The following TSPAN5 variants were observed in gnomAD, a reference collection of about 807,000 sequenced individuals.
TSPAN5 encodes tetraspanin 5.
TSPAN5 carries 10 observed loss-of-function variants against 37.1 expected under a neutral mutation model. The observed-to-expected ratio is 0.27, with a 90% CI of 0.17 to 0.46. The LOEUF is 0.46. Among genes scored for constraint, TSPAN5 ranks in the 20% least tolerant of loss-of-function variants. TSPAN5 has a pLI of 1.00. For synonymous variants in TSPAN5, 110 were observed against 118.9 expected (o/e 0.93, Z 0.48); for missense variants, 195 against 326.6 (o/e 0.60, Z 3.11).
chr4:98,565,608 T>TC (rs1264082443), intron 1 of TSPAN5, among the ~76,000 whole-genome samples: 1 of 152,222 alleles, frequency 6.6e-6, no homozygotes, highest in East Asian at 1.9e-4. Context: ...ATACATCTCA[T>TC]CCCATTGCTC....
rs186352640 is a variant in TSPAN5, at chr4:98,544,705, C to A, written c.82-36977G>T. On this transcript the variant is annotated intron_variant, in intron 1 of 7. Coordinates refer to ENST00000305798, the MANE Select transcript of TSPAN5 (RefSeq NM_005723.4). ...GAAGGAAATGATGACTTTTAAGTGG[C>A]AATACAAAGACGGGGTGGCTAAAAA... Among the ~76,000 whole-genome samples the A allele has an allele frequency of 7.9e-5, 12 of 152,084 alleles. No individual in the cohort carries two copies. The East Asian group carries it at 1.4e-3, about 17-fold the overall frequency.
intron 1 of TSPAN5, among the ~76,000 whole-genome samples, chr4:98,530,641 G>A (rs1282021117): frequency 6.6e-6 from 1 of 152,160 alleles, no homozygotes; most frequent in Admixed American, 6.5e-5. Context: ...AGATTTTAGA[G>A]GTTGTCTAGT....
At chr4:98,549,656 AT>A (rs140659490) in intron 1 of TSPAN5, among the ~76,000 whole-genome samples, 1 of 151,546 alleles carries the variant, frequency 6.6e-6, no homozygotes, top group East Asian at 1.9e-4. Context: ...CATTTTTTTC[AT>A]GTTTGTTGGC....
intron 2 of TSPAN5, among the ~76,000 whole-genome samples, chr4:98,496,073 G>C (rs1578946328): frequency 6.6e-6 from 1 of 152,132 alleles, no homozygotes; most frequent in African/African-American, 2.4e-5. Context: ...CCTAGAGTAA[G>C]AGATAGAGAA....
At chr4:98,647,479 G>C (rs60603644) in intron 1 of TSPAN5, among the ~76,000 whole-genome samples, 2,412 of 152,218 alleles carry the variant, frequency 0.016, 66 homozygotes, top group African/African-American at 0.054. Flanking sequence ...ATATTTATTA[G>C]AGCACCAGCT....
chr4:98,625,936 T>C (rs1164155947), intron 1 of TSPAN5, among the ~76,000 whole-genome samples: 5 of 152,236 alleles, frequency 3.3e-5, no homozygotes, highest in South Asian at 2.1e-4. Context: ...TTGAGTACTA[T>C]GTTTATGAGA....
chr4:98,535,260 G>A (rs543755652), intron 1 of TSPAN5, among the ~76,000 whole-genome samples: 15 of 152,280 alleles, frequency 9.9e-5, no homozygotes, highest in African/African-American at 3.4e-4. Flanking sequence ...TTGCTTGTCT[G>A]TAAAGGATTT....
At chr4:98,550,907 G>C (rs1183338981) in intron 1 of TSPAN5, among the ~76,000 whole-genome samples, 1 of 152,044 alleles carries the variant, frequency 6.6e-6, no homozygotes, top group Non-Finnish European at 1.5e-5. Context: ...AGAACTTCCA[G>C]TGCCATGTTG....
At chr4:98,492,269 A>G (rs1560510947) in intron 2 of TSPAN5, among the ~76,000 whole-genome samples, 1 of 152,184 alleles carries the variant, frequency 6.6e-6, no homozygotes, top group Non-Finnish European at 1.5e-5. Context: ...AGCATGTCAT[A>G]TTTCCTACCA....
intron 1 of TSPAN5, among the ~76,000 whole-genome samples, chr4:98,537,403 G>T (rs771904403): frequency 2.6e-5 from 4 of 152,196 alleles, no homozygotes; most frequent in Non-Finnish European, 5.9e-5. Flanking sequence ...AGTCGATCTC[G>T]CTGGGAGCTA....
chr4:98,545,482 A>ATATATATTTTTT, intron 1 of TSPAN5, among the ~76,000 whole-genome samples: 1 of 152,146 alleles, frequency 6.6e-6, no homozygotes. Flanking sequence ...TCATTTAACC[A>ATATATATTTTTT]CACTGCTTAC....
intron 2 of TSPAN5, among the ~76,000 whole-genome samples, chr4:98,507,456 C>A (rs1334432880): frequency 1.3e-5 from 2 of 152,108 alleles, no homozygotes; most frequent in South Asian, 4.1e-4. Context: ...CTGTTGAGCA[C>A]GTGTATTGTT....
intron 1 of TSPAN5, among the ~76,000 whole-genome samples, chr4:98,510,366 T>A (rs1259427236): frequency 6.6e-6 from 1 of 152,150 alleles, no homozygotes; most frequent in African/African-American, 2.4e-5. Context: ...CAGCATATCA[T>A]ATATTCCTCC....
chr4:98,573,532 C>T (rs1404534844), intron 1 of TSPAN5, among the ~76,000 whole-genome samples: 1 of 152,196 alleles, frequency 6.6e-6, no homozygotes, highest in African/African-American at 2.4e-5. Flanking sequence ...CACCATGGCC[C>T]AGCCGAAATA....
chr4:98,483,338 T>A (rs370302826), intron 3 of TSPAN5: 1 of 152,062 alleles, frequency 6.6e-6, no homozygotes, highest in Non-Finnish European at 1.5e-5. Flanking sequence ...GAAAAATGTA[T>A]TGGGGAGGGG....
intron 2 of TSPAN5, among the ~76,000 whole-genome samples, chr4:98,487,238 GAA>G (rs11318498): frequency 0.26 from 33,862 of 130,278 alleles, 3,998 homozygotes; most frequent in East Asian, 0.38. Context: ...TATATGTAGA[GAA>G]AAAAAAAAAA....
intron 1 of TSPAN5, among the ~76,000 whole-genome samples, chr4:98,515,774 T>C (rs898126637): frequency 2.6e-5 from 4 of 151,984 alleles, no homozygotes; most frequent in Non-Finnish European, 5.9e-5. Context: ...AAAAAATGTA[T>C]ACAGTATCCC....
chr4:98,627,781 T>C (rs977170786), intron 1 of TSPAN5, among the ~76,000 whole-genome samples: 1 of 152,192 alleles, frequency 6.6e-6, no homozygotes, highest in Non-Finnish European at 1.5e-5. Flanking sequence ...ACATACTTTT[T>C]ACACAAAAAT....
intron 1 of TSPAN5, among the ~76,000 whole-genome samples, chr4:98,557,751 C>T (rs1183458195): frequency 2.0e-5 from 3 of 152,146 alleles, no homozygotes; most frequent in Non-Finnish European, 4.4e-5. Flanking sequence ...GACATGATCA[C>T]ATCAGTGATA....
Sources: gnomAD v4.1 joint callset for allele counts (sites outside exome capture counted in the v4.1 genomes callset) on GRCh38, gnomAD v4.1.1 for gene constraint, MANE v1.5 for transcripts, NCBI Gene and HGNC (gene_info 2026-07-23, HGNC 2026-07-21) for gene names.